PPFIA4: variants seen among roughly 807,000 people sequenced by gnomAD.
PPFIA4 encodes the protein liprin-alpha-4.
Under a neutral mutation model 145.7 loss-of-function variants are expected in PPFIA4, and 98 were observed. The ratio of observed to expected loss-of-function variants is 0.67; its 90% CI spans 0.57 to 0.80. The LOEUF is 0.80. Among genes scored for constraint, PPFIA4 ranks in the 30% least tolerant of loss-of-function variants. The pLI, the probability that PPFIA4 is intolerant of heterozygous loss-of-function variation, is 0.00. For synonymous variants in PPFIA4, 628 were observed against 649.6 expected (o/e 0.97, Z 0.51); for missense variants, 1,457 against 1,632.7 (o/e 0.89, Z 1.85).
rs774255700 is a variant in PPFIA4, at chr1:203,045,998, A to G, written c.1005+11A>G. ...TCCCTGCACCGCCAGGTACCTCCTCAGGGTGGGGTGGGGATGGGCATTGTA... is the reference window on the plus strand; with the variant it reads ...TCCCTGCACCGCCAGGTACCTCCTCGGGGTGGGGTGGGGATGGGCATTGTA... On this transcript the variant is annotated intron_variant, in intron 8 of 29. Coordinates refer to ENST00000295706, the MANE Select transcript of PPFIA4 (RefSeq NM_001304331.2). 2.5e-6 allele frequency: 4 copies of G among 1,610,738 alleles called. No individual in the cohort carries two copies. Among genetic ancestry groups the G allele is most frequent in the East Asian group, 4.5e-5 (2 of 44,812 alleles).
At chr1:203,053,069 AT>A (rs1398116508) in intron 14 of PPFIA4, among the ~76,000 whole-genome samples, 3 of 152,332 alleles carry the variant, frequency 2.0e-5, no homozygotes, top group African/African-American at 7.2e-5. Context: ...GTACTTTACC[AT>A]CCCTATTTTA....
chr1:203,027,967 T>C (rs1402514434), intron 1 of PPFIA4, among the ~76,000 whole-genome samples: 2 of 152,254 alleles, frequency 1.3e-5, no homozygotes, highest in Non-Finnish European at 2.9e-5. Flanking sequence ...GGAAGCTGCC[T>C]AAGCAAAAGG....
chr1:203,060,560 C>G lies in PPFIA4; in HGVS notation c.2784+143C>G, dbSNP rs1661290911. 8 of 875,670 alleles carry G rather than the reference C, an allele frequency of 9.1e-6. No individual in the cohort carries two copies. The highest frequency in any genetic ancestry group is 1.4e-5 in the Non-Finnish European group (8 of 570,108). The allele number at this position is 875,670 out of a possible 1,614,324, so 54.2% of individuals were successfully genotyped here. On this transcript the variant is annotated intron_variant, in intron 22 of 29. Transcript: ENST00000295706. This position sits in a 1 kb window ranked among gnomAD's most constrained non-coding sequence, Gnocchi z 4.8. ...CTCACAAAGGGCTCTCCCTGGTCTT[C>G]AGGAGGATATGATGTTGATTCTAGG... is the stretch of plus-strand genomic sequence containing the variant.
In PPFIA4 at chr1:203,075,156, C is replaced by G. The variant is rs1343466968; in HGVS notation, c.3394-421C>G. 6.6e-6 allele frequency among the ~76,000 whole-genome samples: 1 copy of G among 152,108 alleles called. No individual in the cohort carries two copies. Among genetic ancestry groups the G allele is most frequent in the East Asian group, 1.9e-4 (1 of 5,188 alleles). ...CTCTTCTGGTATACTGGGCTACAGC[C>G]ATTCGGAGGCCCCAGAAGGACAGGA... On this transcript the variant is annotated intron_variant, in intron 28 of 29. Coordinates refer to ENST00000295706, the MANE Select transcript of PPFIA4 (RefSeq NM_001304331.2). This position sits in a 1 kb window ranked among gnomAD's most constrained non-coding sequence, Gnocchi z 4.1.
At chr1:203,029,574 C>T (rs923303514) in intron 1 of PPFIA4, among the ~76,000 whole-genome samples, 8 of 152,236 alleles carry the variant, frequency 5.3e-5, no homozygotes, top group African/African-American at 1.7e-4. Flanking sequence ...GTATCGGATG[C>T]ATGGAAATCA....
chr1:203,037,436 T>C (rs1659363478), intron 1 of PPFIA4, among the ~76,000 whole-genome samples: 1 of 152,192 alleles, frequency 6.6e-6, no homozygotes, highest in Admixed American at 6.5e-5. Context: ...CCACCTCCAG[T>C]GTGCCTATTG....
chr1:203,049,026 G>C (rs531957748), intron 12 of PPFIA4, 46 bp downstream of exon 12: 1 of 1,538,604 alleles, frequency 6.5e-7, no homozygotes, highest in East Asian at 2.5e-5. Context: ...GGGCCGGGTT[G>C]CAGGGAGGAA....
rs1288914761 is a variant in PPFIA4 at position 203,044,356 on chromosome 1, C to T, written c.502-23C>T. 3.2e-6 allele frequency: 5 copies of T among 1,548,654 alleles called. No individual in the cohort carries two copies. The African/African-American group carries it at 4.1e-5, about 13-fold the overall frequency. Reference sequence around the variant, plus strand: ...TCAAGTGGGGTCCCCCTTTCTTCCTCCATCTCCCCTTACCTCGAGCAGGTG... The same window carrying T: ...TCAAGTGGGGTCCCCCTTTCTTCCTTCATCTCCCCTTACCTCGAGCAGGTG... On this transcript the variant is annotated intron_variant, in intron 4 of 29. Coordinates refer to ENST00000295706, the MANE Select transcript of PPFIA4 (RefSeq NM_001304331.2).
rs1214904292 is a variant in PPFIA4 at position 203,068,012 on chromosome 1, G to T, written c.3148+220G>T. Among the ~76,000 whole-genome samples the T allele has an allele frequency of 6.6e-6, 1 of 152,202 alleles. No individual in the cohort carries two copies. The highest frequency in any genetic ancestry group is 1.5e-5 in the Non-Finnish European group (1 of 68,040). On this transcript the variant is annotated intron_variant, in intron 26 of 29. Coordinates refer to ENST00000295706, the MANE Select transcript of PPFIA4 (RefSeq NM_001304331.2). The surrounding 1 kb of genome is among the most constrained non-coding windows in gnomAD (Gnocchi z 4.7). Reference sequence around the variant, plus strand: ...CCTCAACCCCACATACCAGATAGCAGCCACCAACTGGACAAATGCAGTGAA... The same window carrying T: ...CCTCAACCCCACATACCAGATAGCATCCACCAACTGGACAAATGCAGTGAA...
Position 203,048,787 on chromosome 1 carries a change from T to A in PPFIA4, c.1356+73T>A. 3 of 1,258,832 alleles carry A rather than the reference T, an allele frequency of 2.4e-6. No homozygotes were observed. In the South Asian group the frequency reaches 4.5e-5, roughly 19 times the overall value. 78.0% of individuals were successfully genotyped at this position (1,258,832 alleles called of 1,614,324 possible). A position where few individuals can be genotyped will look rare whatever the true frequency, so the allele number is the denominator to read the frequency against. The stretch of plus-strand genomic sequence containing the variant: ...GGGGCGGGGGGAGGCGGGACTGTGA[T>A]GGGCGCAGGCGGGGTCTCAATGGGG... On this transcript the variant is annotated intron_variant, in intron 11 of 29. Transcript: ENST00000295706. This position sits in a 1 kb window ranked among gnomAD's most constrained non-coding sequence, Gnocchi z 5.8.
intron 17 of PPFIA4, 52 bp from the exon 18 acceptor site, chr1:203,056,323 G>T: frequency 1.9e-6 from 3 of 1,604,168 alleles, no homozygotes; most frequent in South Asian, 2.2e-5. Context: ...GGCTGGGTAG[G>T]CAGGCCCGAG....
At chr1:203,059,073 G>T in intron 19 of PPFIA4, 105 bp from the exon 20 acceptor site, 1 of 852,824 alleles carries the variant, frequency 1.2e-6, no homozygotes, top group Non-Finnish European at 1.9e-6. Flanking sequence ...GCCATGGGTT[G>T]TCCTCTGCCA....
chr1:203,052,036 A>G (rs1302898042), intron 14 of PPFIA4, among the ~76,000 whole-genome samples, 159 bp downstream of exon 14: 2 of 133,528 alleles, frequency 1.5e-5, no homozygotes, highest in East Asian at 2.2e-4. Flanking sequence ...CGTCAGCTGC[A>G]ACAGCTGTGC....
chr1:203,048,828 G>C lies in PPFIA4; in HGVS notation c.1357-90G>C. On this transcript the variant is annotated intron_variant, in intron 11 of 29. Coordinates refer to ENST00000295706, the MANE Select transcript of PPFIA4 (RefSeq NM_001304331.2). The surrounding 1 kb of genome is among the most constrained non-coding windows in gnomAD (Gnocchi z 5.8). ...CTCAATGGGGTGGGTGGCCAGCCTG[G>C]AGAGGTGGGGCTGAGACTGCACACC... 1 of 1,532,144 alleles carries C rather than the reference G, an allele frequency of 6.5e-7. No individual in the cohort carries two copies. The highest frequency in any genetic ancestry group is 8.8e-7 in the Non-Finnish European group (1 of 1,135,880). 94.9% of individuals were successfully genotyped at this position (1,532,144 alleles called of 1,614,324 possible). A position where few individuals can be genotyped will look rare whatever the true frequency, so the allele number is the denominator to read the frequency against.
rs1660875981 is a variant in PPFIA4, at chr1:203,055,542, G to A, written c.1940G>A (p.Gly647Asp). The A allele has an allele frequency of 1.2e-6, 2 of 1,614,024 alleles. No homozygotes were observed. The highest frequency in any genetic ancestry group is 2.2e-5 in the East Asian group (1 of 44,882). ...AACCTGAAGCAGCTGCGCAAGCGTG[G>A]TTCCATCCCCACCTCTCTGACGGCC... ...ALNLKQLRKR[G>D]SIPTSLTALS... The change falls in exon 16 of 30, where the codon GGT becomes GAT. Residue 647 changes from glycine (G) to aspartate (D), a missense_variant. By Grantham distance (94) the Gly-to-Asp change is moderately conservative. This residue lies in a region of PPFIA4 where 848 missense variants were observed against 1,046.7 expected (regional missense o/e 0.81). Coordinates refer to ENST00000295706, the MANE Select transcript of PPFIA4 (RefSeq NM_001304331.2). This position sits in a 1 kb window ranked among gnomAD's most constrained non-coding sequence, Gnocchi z 4.8.
chr1:203,043,610 T>G lies in PPFIA4; in HGVS notation c.336+112T>G. ...CAGGCAAGAGTGGGGCCAGGCACAG[T>G]CCTAGCTCAAGCCCCATCCTTCCCT... On this transcript the variant is annotated intron_variant, in intron 3 of 29. Transcript: ENST00000295706. The surrounding 1 kb of genome is among the most constrained non-coding windows in gnomAD (Gnocchi z 4.4). 1 of 985,528 alleles carries G rather than the reference T, an allele frequency of 1.0e-6. No homozygotes were observed. The highest frequency in any genetic ancestry group is 1.6e-5 in the African/African-American group (1 of 62,144). The allele number at this position is 985,528 out of a possible 1,614,324, so 61.0% of individuals were successfully genotyped here. A position where few individuals can be genotyped will look rare whatever the true frequency, so the allele number is the denominator to read the frequency against.
At chr1:203,058,636 C>T (rs1184561304) in intron 19 of PPFIA4, among the ~76,000 whole-genome samples, 2 of 152,146 alleles carry the variant, frequency 1.3e-5, no homozygotes, top group South Asian at 2.1e-4. Flanking sequence ...CTGCCTCTGG[C>T]CACGAATTCT....
At position 203,056,281 on chromosome 1, in the gene PPFIA4, C is replaced by T. The variant is rs113049290; in HGVS notation, c.2107-94C>T. 9.4e-6 allele frequency: 15 copies of T among 1,597,844 alleles called. No homozygotes were observed. The African/African-American group carries it at 1.6e-4, about 17-fold the overall frequency. ...CAGAGAGGCACCCAGGGCCTCCCCA[C>T]TGCATTTCTCCATGCTCCGCCACCT... On this transcript the variant is annotated intron_variant, in intron 17 of 29. Coordinates refer to ENST00000295706, the MANE Select transcript of PPFIA4 (RefSeq NM_001304331.2).
In PPFIA4 at chr1:203,048,530, G is replaced by A. The variant is rs986536837; in HGVS notation, c.1225-53G>A. 3 of 1,552,842 alleles carry A rather than the reference G, an allele frequency of 1.9e-6. No individual in the cohort carries two copies. Among genetic ancestry groups the A allele is most frequent in the Non-Finnish European group, 2.6e-6 (3 of 1,148,596 alleles). On this transcript the variant is annotated intron_variant, in intron 10 of 29. Transcript: ENST00000295706. This position sits in a 1 kb window ranked among gnomAD's most constrained non-coding sequence, Gnocchi z 5.8. ...GGGAGGGAGTCAAACCCCAGCAGGA[G>A]AGGGTGGTCCTCCCTGGGAGGGCGG...
Sources: gnomAD v4.1 joint callset for allele counts (sites outside exome capture counted in the v4.1 genomes callset) on GRCh38, gnomAD v4.1.1 for gene constraint, gnomAD v4.1.1 regional missense constraint, Gnocchi (gnomAD v3.1) non-coding constraint, MANE v1.5 for transcripts, NCBI Gene and HGNC (gene_info 2026-07-23, HGNC 2026-07-21) for gene names.